Variants in MYO7B observed in about 807,000 individuals in gnomAD.
MYO7B encodes the protein unconventional myosin-VIIb.
MYO7B carries 212 observed loss-of-function variants against 259.7 expected under a neutral mutation model. That is an observed-to-expected ratio of 0.82 (90% CI 0.73 to 0.91). The LOEUF (loss-of-function observed/expected upper bound fraction) is 0.91, where lower values mean the gene tolerates loss of function less well. Among genes scored for constraint, MYO7B ranks in the 40% least tolerant of loss-of-function variants. The pLI, the probability that MYO7B is intolerant of heterozygous loss-of-function variation, is 0.00. For missense variants in MYO7B, 2,732 were observed against 2,813.5 expected, an observed-to-expected ratio of 0.97 and a Z score of 0.66; for synonymous variants, 1,197 against 1,166.4, an observed-to-expected ratio of 1.03 and a Z score of -0.54.
chr2:127,580,223 C>A (rs536833691), intron 9 of MYO7B, among the ~76,000 whole-genome samples: 8 of 152,156 alleles, frequency 5.3e-5, no homozygotes, highest in African/African-American at 1.9e-4. Flanking sequence ...CAGCCTGGCA[C>A]GTCCTAAGCT....
chr2:127,566,411 A>C (rs1262297180), intron 4 of MYO7B, among the ~76,000 whole-genome samples: 1 of 152,220 alleles, frequency 6.6e-6, no homozygotes, highest in Non-Finnish European at 1.5e-5. Flanking sequence ...ATCTTCCTGG[A>C]AATATGTTCC....
rs36105119 is a variant in MYO7B, at chr2:127,597,611, ATATT to A, written c.2339+1093_2339+1096del. Among the ~76,000 whole-genome samples, 27,236 of 145,738 alleles carry A rather than the reference ATATT, an allele frequency of 0.19. 2,498 individuals are homozygous for A. Among genetic ancestry groups the A allele is most frequent in the South Asian group, 0.26 (1,149 of 4,488 alleles). On this transcript the variant is annotated intron_variant, in intron 19 of 47. Coordinates refer to ENST00000409816, the MANE Select transcript of MYO7B (RefSeq NM_001393586.1). The surrounding 1 kb of genome is among the most constrained non-coding windows in gnomAD (Gnocchi z 4.8). Reference sequence around the variant, plus strand: ...TTCATCCAGGTTATTGCTTGCATTAATATTTATTTATTTATTTATTTATTTATTT... The same window carrying A: ...TTCATCCAGGTTATTGCTTGCATTAATATTTATTTATTTATTTATTTATTT...
At position 127,625,396 on chromosome 2, in the gene MYO7B, G is replaced by A. The variant is rs539849422; in HGVS notation, c.4076G>A (p.Arg1359Gln). The A allele has an allele frequency of 1.4e-5, 23 of 1,600,670 alleles. No homozygotes were observed. Among genetic ancestry groups the A allele is most frequent in the African/African-American group, 6.7e-5 (5 of 74,620 alleles). The change falls in exon 31 of 48, where the codon CGG (arginine) becomes CAG (glutamine). Residue 1359 changes from arginine (R) to glutamine (Q), a missense_variant. Transcript: ENST00000409816. ...GAAGAGCTGGTTGAGCTGCTGGCCC[G>A]GCACTGCTACGTGCAGCTCGGCGCC... ...KEEELVELLA[R>Q]HCYVQLGASA...
Position 127,637,529 on chromosome 2 carries a change from G to GC in MYO7B, c.*118dup, listed in dbSNP as rs540058977. ...TCCTTGGCGGGCAGCCTTCCATGCT[G>GC]CCCCCCATACAAAGCCCACTCAGCC... On this transcript the variant is annotated 3_prime_UTR_variant, in exon 48 of 48. Transcript: ENST00000409816. 6.2e-4 allele frequency: 505 copies of GC among 809,716 alleles called. 6 individuals are homozygous for GC. The South Asian group carries it at 8.3e-3, about 13-fold the overall frequency. 50.2% of individuals were successfully genotyped at this position (809,716 alleles called of 1,614,324 possible).
At chr2:127,562,028 GGAGA>G (rs34222904) in intron 2 of MYO7B, among the ~76,000 whole-genome samples, 1 of 151,302 alleles carries the variant, frequency 6.6e-6, no homozygotes, top group Non-Finnish European at 1.5e-5. Flanking sequence ...AGAGAGAAAG[GGAGA>G]GAGAGAGAGC....
chr2:127,629,985 G>A (rs1228588043), intron 35 of MYO7B, among the ~76,000 whole-genome samples, 159 bp downstream of exon 35: 1 of 152,256 alleles, frequency 6.6e-6, no homozygotes. Context: ...GCGGCAAGGT[G>A]TGTGTGCAGT....
chr2:127,606,875 A>C (rs1183338872), intron 20 of MYO7B, among the ~76,000 whole-genome samples: 1 of 152,246 alleles, frequency 6.6e-6, no homozygotes, highest in Non-Finnish European at 1.5e-5. Flanking sequence ...TGTGGACAGC[A>C]GGGCCTCAGG....
chr2:127,608,419 G>C (rs1680242407), intron 21 of MYO7B, among the ~76,000 whole-genome samples: 1 of 152,176 alleles, frequency 6.6e-6, no homozygotes. Flanking sequence ...GGGGGTCCCT[G>C]GAGTTTGAAG....
chr2:127,630,579 GA>G (rs1222830028), intron 35 of MYO7B, among the ~76,000 whole-genome samples, 198 bp from the exon 36 acceptor site: 3 of 152,192 alleles, frequency 2.0e-5, no homozygotes, highest in African/African-American at 4.8e-5. Flanking sequence ...CCTCCCAAGG[GA>G]AAGGAGACAG....
In MYO7B at chr2:127,609,701, G is replaced by T; in HGVS notation, c.3010G>T (p.Asp1004Tyr). The T allele has an allele frequency of 6.2e-7, 1 of 1,613,966 alleles. No individual in the cohort carries two copies. The highest frequency in any genetic ancestry group is 1.1e-5 in the South Asian group (1 of 91,066). The change falls in exon 23 of 48, where the codon GAC (aspartate) becomes TAC (tyrosine). Residue 1004 changes from aspartate to tyrosine, a missense_variant. Transcript: ENST00000409816. This position sits in a 1 kb window ranked among gnomAD's most constrained non-coding sequence, Gnocchi z 6.9. ...ATACCCGTTGCTTTACCACGAAGAT[G>T]ACACTGACTGCTTGGTACCAGGGTT... ...LRYPLLYHED[D>Y]TDCLAALVIW...
intron 31 of MYO7B, chr2:127,626,730 G>T (rs1485191633): frequency 4.8e-6 from 2 of 412,490 alleles, no homozygotes; most frequent in Non-Finnish European, 8.8e-6. Context: ...GGTGAGCCAA[G>T]ATCGCACCAC....
At chr2:127,625,575 T>TC (rs1681067831) in intron 31 of MYO7B, 40 bp downstream of exon 31, 1 of 1,528,170 alleles carries the variant, frequency 6.5e-7, no homozygotes, top group Non-Finnish European at 8.8e-7. Flanking sequence ...CCGAGGGCTC[T>TC]CCTTTGGGAG....
intron 19 of MYO7B, among the ~76,000 whole-genome samples, chr2:127,601,469 A>C (rs1051041030): frequency 6.6e-5 from 10 of 151,606 alleles, no homozygotes; most frequent in African/African-American, 2.4e-4. Flanking sequence ...TTTTTGCTTC[A>C]CATATTTTGC....
intron 26 of MYO7B, among the ~76,000 whole-genome samples, chr2:127,619,371 G>A (rs866479963): frequency 7.4e-6 from 1 of 134,250 alleles, no homozygotes; most frequent in East Asian, 2.3e-4. Context: ...CGCCAGCTGA[G>A]TAGTGGGTGC....
intron 6 of MYO7B, 150 bp from the exon 7 acceptor site, chr2:127,573,770 G>A (rs974715369): frequency 1.3e-5 from 13 of 1,002,146 alleles, no homozygotes; most frequent in Middle Eastern, 4.7e-4. Flanking sequence ...CTTAGCGGGC[G>A]CTTGGCTTCC....
chr2:127,560,755 C>T (rs557014415), intron 2 of MYO7B, among the ~76,000 whole-genome samples: 14 of 152,122 alleles, frequency 9.2e-5, no homozygotes, highest in South Asian at 2.1e-4. Context: ...GACAGTGCTG[C>T]GAAGTGCTCT....
rs1680524460 is a variant in MYO7B at position 127,615,201 on chromosome 2, C to T, written c.3398+2598C>T. 6.6e-6 allele frequency among the ~76,000 whole-genome samples: 1 copy of T among 152,046 alleles called. No homozygotes were observed. Among genetic ancestry groups the T allele is most frequent in the African/African-American group, 2.4e-5 (1 of 41,402 alleles). ...GCACCAAGGAGGAGTGGCCTTAGTGCCTACCTGGGCCAAGGAAGGAGGAGG... is the reference window on the plus strand; with the variant it reads ...GCACCAAGGAGGAGTGGCCTTAGTGTCTACCTGGGCCAAGGAAGGAGGAGG... On this transcript the variant is annotated intron_variant, in intron 26 of 47. Coordinates refer to ENST00000409816, the MANE Select transcript of MYO7B (RefSeq NM_001393586.1). This position sits in a 1 kb window ranked among gnomAD's most constrained non-coding sequence, Gnocchi z 4.4.
In MYO7B at chr2:127,586,869, G is replaced by A. The variant is rs555025946; in HGVS notation, c.1691-1523G>A. Among the ~76,000 whole-genome samples the A allele has an allele frequency of 2.0e-5, 3 of 152,088 alleles. No homozygotes were observed. Among genetic ancestry groups the A allele is most frequent in the Non-Finnish European group, 2.9e-5 (2 of 67,982 alleles). On this transcript the variant is annotated intron_variant, in intron 14 of 47. Coordinates refer to ENST00000409816, the MANE Select transcript of MYO7B (RefSeq NM_001393586.1). The surrounding 1 kb of genome is among the most constrained non-coding windows in gnomAD (Gnocchi z 4.8). ...CCCTCCCCACCCTTAAAACATCCAG[G>A]GAGCTCCCTGCCCCTGGTGGGGAGC...
chr2:127,609,628 T>A lies in MYO7B; in HGVS notation c.2937T>A (p.Thr979=). ...AEYTFPKFAV[T]YFQKSASHTH... The stretch of plus-strand genomic sequence containing the variant: ...ACACCTTCCCCAAGTTTGCTGTGAC[T>A]TACTTCCAGAAATCAGCCAGCCACA... Residue 979 remains threonine, a synonymous_variant, in exon 23 of 48, where the codon ACT becomes ACA. Transcript: ENST00000409816. This position sits in a 1 kb window ranked among gnomAD's most constrained non-coding sequence, Gnocchi z 6.9. 1 of 1,613,998 alleles carries A rather than the reference T, an allele frequency of 6.2e-7. No individual in the cohort carries two copies. Among genetic ancestry groups the A allele is most frequent in the South Asian group, 1.1e-5 (1 of 91,078 alleles).
Sources: gnomAD v4.1 joint callset for allele counts (sites outside exome capture counted in the v4.1 genomes callset) on GRCh38, gnomAD v4.1.1 for gene constraint, Gnocchi (gnomAD v3.1) non-coding constraint, MANE v1.5 for transcripts, NCBI Gene and HGNC (gene_info 2026-07-23, HGNC 2026-07-21) for gene names.